NEK10: variants seen among roughly 807,000 people sequenced by gnomAD.
The protein encoded by NEK10 is NIMA related kinase 10, also known as serine/threonine-protein kinase Nek10.
In NEK10, 122 loss-of-function variants were observed where a neutral mutation model predicts 159.8. The ratio of observed to expected loss-of-function variants is 0.76; its 90% confidence interval spans 0.66 to 0.89. NEK10 has a LOEUF of 0.89. Among genes scored for constraint, NEK10 ranks in the 40% least tolerant of loss-of-function variants. The probability of loss-of-function intolerance (pLI) is 0.00; values close to 1 mark genes in which losing one functional copy is unlikely to be tolerated. For missense variants in NEK10, 1,342 were observed against 1,323.1 expected, an observed-to-expected ratio of 1.01 and a Z score of -0.22; for synonymous variants, 466 against 457.1, an observed-to-expected ratio of 1.02 and a Z score of -0.25.
rs552158969 is a variant in NEK10 at position 27,177,488 on chromosome 3, T to C, written c.2506-2655A>G. Among the ~76,000 whole-genome samples, 315 of 151,996 alleles carry C rather than the reference T, an allele frequency of 2.1e-3. 1 individual carries two copies. The highest frequency in any genetic ancestry group is 7.2e-3 in the African/African-American group (297 of 41,430). On this transcript the variant is annotated intron_variant, in intron 26 of 35. Transcript: ENST00000691995. ...TGATCCCAGGAGGCGGAGCTTGCAGTGAGCCGAGATTGTGCCACTGCACTC... is the reference window on the plus strand; with the variant it reads ...TGATCCCAGGAGGCGGAGCTTGCAGCGAGCCGAGATTGTGCCACTGCACTC...
intron 35 of NEK10, among the ~76,000 whole-genome samples, chr3:27,112,325 T>C (rs1939692896): frequency 6.6e-6 from 1 of 152,224 alleles, no homozygotes. Context: ...ATGTACCTTA[T>C]CTTGAATTAA....
chr3:27,305,912 T>C (rs1029502816), intron 11 of NEK10, among the ~76,000 whole-genome samples: 7 of 152,124 alleles, frequency 4.6e-5, no homozygotes, highest in African/African-American at 1.2e-4. Context: ...TCCATTCCCA[T>C]GATTTCAAAC....
At chr3:27,213,885 G>A (rs1951244336) in intron 23 of NEK10, among the ~76,000 whole-genome samples, 1 of 152,250 alleles carries the variant, frequency 6.6e-6, no homozygotes, top group Non-Finnish European at 1.5e-5. Flanking sequence ...GCATTTTGCA[G>A]AGAATCTCCT....
At chr3:27,307,171 T>C (rs1027121926) in intron 11 of NEK10, among the ~76,000 whole-genome samples, 1 of 152,248 alleles carries the variant, frequency 6.6e-6, no homozygotes, top group African/African-American at 2.4e-5. Context: ...TCTATAAGTA[T>C]TATCTATATT....
At chr3:27,117,296 A>C (rs1209936773) in intron 33 of NEK10, among the ~76,000 whole-genome samples, 1 of 152,178 alleles carries the variant, frequency 6.6e-6, no homozygotes, top group Non-Finnish European at 1.5e-5. Flanking sequence ...ATATGTGTGC[A>C]TGTATCTTTA....
At chr3:27,204,206 C>T (rs1313685003) in intron 23 of NEK10, among the ~76,000 whole-genome samples, 1 of 148,292 alleles carries the variant, frequency 6.7e-6, no homozygotes, top group African/African-American at 2.5e-5. Flanking sequence ...TGTGCTTTCA[C>T]TCCCCACAGC....
At chr3:27,291,149 T>C (rs901625611) in intron 18 of NEK10, 113 bp downstream of exon 18, 3 of 969,244 alleles carry the variant, frequency 3.1e-6, no homozygotes, top group Middle Eastern at 2.2e-4. Flanking sequence ...AATTTTCATA[T>C]CTGTTTGCTA....
intron 19 of NEK10, 101 bp downstream of exon 19, chr3:27,290,516 A>G: frequency 2.4e-6 from 2 of 840,658 alleles, no homozygotes; most frequent in Non-Finnish European, 3.6e-6. Flanking sequence ...TTTCACATGG[A>G]ACTAGTTCAT....
chr3:27,222,979 T>G (rs1303291510), intron 23 of NEK10, among the ~76,000 whole-genome samples: 33 of 152,092 alleles, frequency 2.2e-4, no homozygotes, highest in Non-Finnish European at 2.9e-5. Flanking sequence ...ATTATCTGAA[T>G]GTGGTCATTC....
At chr3:27,320,882 T>C (rs1374573574) in intron 6 of NEK10, among the ~76,000 whole-genome samples, 1 of 152,162 alleles carries the variant, frequency 6.6e-6, no homozygotes, top group East Asian at 1.9e-4. Context: ...CTTTCTCAAA[T>C]GCCAAATATG....
At chr3:27,253,199 C>T (rs940616595) in intron 23 of NEK10, among the ~76,000 whole-genome samples, 2 of 151,880 alleles carry the variant, frequency 1.3e-5, no homozygotes, top group Non-Finnish European at 2.9e-5. Context: ...ATTCCCATTC[C>T]AGGAATAGTT....
intron 23 of NEK10, chr3:27,255,201 G>T (rs1956051715): frequency 7.7e-6 from 2 of 259,288 alleles, no homozygotes; most frequent in South Asian, 3.7e-5. Flanking sequence ...GTAACGAGTA[G>T]GTCAGCCTTA....
At chr3:27,241,602 G>A (rs1408598429) in intron 23 of NEK10, among the ~76,000 whole-genome samples, 1 of 152,120 alleles carries the variant, frequency 6.6e-6, no homozygotes, top group African/African-American at 2.4e-5. Flanking sequence ...GTGGTAACTT[G>A]CCCAAGAAAT....
chr3:27,208,250 T>C (rs1394826083), intron 23 of NEK10, among the ~76,000 whole-genome samples: 1 of 151,700 alleles, frequency 6.6e-6, no homozygotes, highest in Non-Finnish European at 1.5e-5. Context: ...CTGGAAAAAG[T>C]GAGCAACATA....
At chr3:27,269,203 G>GA (rs561197139) in intron 22 of NEK10, among the ~76,000 whole-genome samples, 1,755 of 152,296 alleles carry the variant, frequency 0.012, 10 homozygotes, top group South Asian at 0.021. Context: ...AAAATGACAA[G>GA]AAAAGATTTA....
At chr3:27,253,039 G>T in intron 23 of NEK10, 2 of 384,376 alleles carry the variant, frequency 5.2e-6, no homozygotes, top group Non-Finnish European at 5.1e-6. Flanking sequence ...TTTAAGAAGT[G>T]CAGTTAATAG....
chr3:27,119,995 TC>T (rs1353838197), intron 32 of NEK10, 127 bp from the exon 33 acceptor site: 4 of 654,000 alleles, frequency 6.1e-6, no homozygotes, highest in Non-Finnish European at 1.1e-5. Flanking sequence ...TGGTTTTCAA[TC>T]CCTTGTAAAT....
At chr3:27,112,478 C>T (rs1303737160) in intron 35 of NEK10, among the ~76,000 whole-genome samples, 3 of 151,980 alleles carry the variant, frequency 2.0e-5, no homozygotes, top group Admixed American at 6.6e-5. Flanking sequence ...TTTGCAATGA[C>T]GATGATGACA....
chr3:27,209,111 A>C (rs1464222301), intron 23 of NEK10, among the ~76,000 whole-genome samples: 1 of 152,090 alleles, frequency 6.6e-6, no homozygotes, highest in Non-Finnish European at 1.5e-5. Flanking sequence ...TCCACTAAAA[A>C]ATAGGACAGC....
Sources: allele counts gnomAD v4.1 joint callset (sites outside exome capture counted in the v4.1 genomes callset), GRCh38; gene constraint gnomAD v4.1.1; transcripts MANE v1.5; gene names NCBI Gene and HGNC (gene_info 2026-07-23, HGNC 2026-07-21).